PCDHGB2: variants seen among roughly 807,000 people sequenced by gnomAD.
PCDHGB2 encodes the protein protocadherin gamma-B2.
A neutral mutation model predicts 59.3 loss-of-function variants in PCDHGB2; 55 were observed. The ratio of observed to expected loss-of-function variants is 0.93; its 90% CI spans 0.75 to 1.16. The LOEUF (loss-of-function observed/expected upper bound fraction) is 1.16, where lower values mean the gene tolerates loss of function less well. Among genes scored for constraint, PCDHGB2 ranks in the 50% most tolerant of loss-of-function variants. PCDHGB2 has a pLI of 0.00. For missense variants in PCDHGB2, 1,228 were observed against 1,198.5 expected (o/e 1.02, Z -0.36); for synonymous variants, 516 against 512.0 (o/e 1.01, Z -0.11).
chr5:141,510,252 G>A (rs1342841474), intron 3 of PCDHGB2, among the ~76,000 whole-genome samples: 4 of 148,432 alleles, frequency 2.7e-5, no homozygotes, highest in Admixed American at 1.3e-4. Context: ...CAGGCTGGGC[G>A]ACAGAGCAGG....
chr5:141,383,179 G>A (rs1387934089), intron 1 of PCDHGB2: 2 of 1,614,006 alleles, frequency 1.2e-6, no homozygotes, highest in Admixed American at 1.7e-5. Context: ...AGACCGGGAA[G>A]AGATCTGCGC....
intron 3 of PCDHGB2, among the ~76,000 whole-genome samples, chr5:141,509,004 G>A (rs2099873761): frequency 6.6e-6 from 1 of 152,072 alleles, no homozygotes; most frequent in South Asian, 2.1e-4. Context: ...AGGAGAGGAG[G>A]AAGTGGGCAG....
intron 3 of PCDHGB2, chr5:141,506,955 C>T (rs1387377785): frequency 2.6e-5 from 4 of 152,362 alleles, no homozygotes; most frequent in South Asian, 2.1e-4. Context: ...AATGAATCCT[C>T]TCAATAGCTC....
chr5:141,422,188 C>T, intron 1 of PCDHGB2: 1 of 1,561,742 alleles, frequency 6.4e-7, no homozygotes. Context: ...GATGGAAATT[C>T]AAGGCCAAGA....
chr5:141,506,109 A>G (rs1027886504), intron 3 of PCDHGB2, among the ~76,000 whole-genome samples: 5 of 152,126 alleles, frequency 3.3e-5, no homozygotes, highest in Middle Eastern at 3.2e-3. Flanking sequence ...GTCCCTGAAG[A>G]GTCACTAGGG....
intron 1 of PCDHGB2, chr5:141,365,046 C>G (rs753242901): frequency 6.2e-7 from 1 of 1,613,884 alleles, no homozygotes; most frequent in South Asian, 1.1e-5. Flanking sequence ...AACGACAATG[C>G]GCCCCTGTTC....
rs1040028231 is a variant in PCDHGB2, at chr5:141,485,542, C to T, written c.2422-9265C>T. 6.8e-6 allele frequency: 11 copies of T among 1,613,900 alleles called. No individual in the cohort carries two copies. Among genetic ancestry groups the T allele is most frequent in the Admixed American group, 6.7e-5 (4 of 59,996 alleles). On this transcript the variant is annotated intron_variant, in intron 1 of 3. Coordinates refer to ENST00000522605, the MANE Select transcript of PCDHGB2 (RefSeq NM_018923.3). The surrounding 1 kb of genome is among the most constrained non-coding windows in gnomAD (Gnocchi z 5.7). ...AAATGTACCGAGCAGAGGTAGAGAT[C>T]GTAGATGTGAATGATCACGCCCCCC...
rs1326854162 is a variant in PCDHGB2 at position 141,361,794 on chromosome 5, C to T, written c.1659C>T (p.Gly553=). ...ACGTGAGCCTGCGCGTGTTAGTGGG[C>T]GACCTCAATGACAATGCGCCACGGG... ...SANVSLRVLV[G]DLNDNAPRVL... Residue 553 remains glycine (G), a synonymous_variant, in exon 1 of 4, where the codon GGC becomes GGT. Transcript: ENST00000522605. 6.2e-7 allele frequency: 1 copy of T among 1,613,214 alleles called. No homozygotes were observed. Among genetic ancestry groups the T allele is most frequent in the Non-Finnish European group, 8.5e-7 (1 of 1,179,742 alleles).
chr5:141,506,815 A>G (rs2099856451), intron 3 of PCDHGB2, among the ~76,000 whole-genome samples: 1 of 152,214 alleles, frequency 6.6e-6, no homozygotes, highest in African/African-American at 2.4e-5. Flanking sequence ...GCATTGCCCT[A>G]TATCATGAAC....
At chr5:141,371,227 T>C (rs1767587873) in intron 1 of PCDHGB2, 1 of 1,613,932 alleles carries the variant, frequency 6.2e-7, no homozygotes, top group African/African-American at 1.3e-5. Context: ...GCCGAAATCA[T>C]CTATGCCTTC....
intron 1 of PCDHGB2, chr5:141,370,747 A>G (rs780618979): frequency 1.2e-5 from 19 of 1,613,952 alleles, no homozygotes; most frequent in Middle Eastern, 3.3e-4. Context: ...AACTTTTTTC[A>G]TGTAACTGTG....
At chr5:141,450,509 G>A (rs2098683055) in intron 1 of PCDHGB2, among the ~76,000 whole-genome samples, 1 of 151,878 alleles carries the variant, frequency 6.6e-6, no homozygotes, top group African/African-American at 2.4e-5. Flanking sequence ...GTTTTGAGAT[G>A]GAGTCTCATT....
At chr5:141,482,343 A>G (rs1016179369) in intron 1 of PCDHGB2, among the ~76,000 whole-genome samples, 3 of 152,126 alleles carry the variant, frequency 2.0e-5, no homozygotes, top group Non-Finnish European at 2.9e-5. Flanking sequence ...TACTTTGCAA[A>G]CTTGTTGTGA....
intron 1 of PCDHGB2, among the ~76,000 whole-genome samples, chr5:141,455,133 CTG>C (rs2098814252): frequency 6.6e-6 from 1 of 151,392 alleles, no homozygotes; most frequent in African/African-American, 2.4e-5. Flanking sequence ...TTAAATTACA[CTG>C]TGTTAAATAA....
intron 1 of PCDHGB2, chr5:141,365,783 GCTCGAGTCAC>G (rs1561535325): frequency 6.2e-7 from 1 of 1,613,842 alleles, no homozygotes; most frequent in Admixed American, 1.7e-5. Flanking sequence ...CGGCGACAAC[GCTCGAGTCAC>G]CTACTCCCTG....
chr5:141,472,856 C>T (rs1251907207), intron 1 of PCDHGB2, among the ~76,000 whole-genome samples: 5 of 150,296 alleles, frequency 3.3e-5, no homozygotes, highest in East Asian at 2.0e-4. Flanking sequence ...CATGGTGGCA[C>T]ATGCCTGTAT....
At chr5:141,446,873 A>T (rs1324695415) in intron 1 of PCDHGB2, among the ~76,000 whole-genome samples, 1 of 152,132 alleles carries the variant, frequency 6.6e-6, no homozygotes, top group African/African-American at 2.4e-5. Flanking sequence ...CTACACTGGT[A>T]TGTTTTGGGG....
intron 3 of PCDHGB2, among the ~76,000 whole-genome samples, chr5:141,509,636 C>T (rs1199892148): frequency 6.6e-6 from 1 of 152,164 alleles, no homozygotes; most frequent in Non-Finnish European, 1.5e-5. Context: ...TGATGCTGAG[C>T]CAGGGCCAGA....
intron 1 of PCDHGB2, chr5:141,371,248 G>A (rs1561550190): frequency 6.2e-7 from 1 of 1,614,024 alleles, no homozygotes; most frequent in Admixed American, 1.7e-5. Context: ...ATCAATATTG[G>A]CAAGGAAGTG....
Sources: allele counts gnomAD v4.1 joint callset (sites outside exome capture counted in the v4.1 genomes callset), GRCh38; gene constraint gnomAD v4.1.1; non-coding constraint Gnocchi (gnomAD v3.1); transcripts MANE v1.5; gene names NCBI Gene and HGNC (gene_info 2026-07-23, HGNC 2026-07-21).